MEIOB: variants seen among roughly 807,000 people sequenced by gnomAD.
The protein encoded by MEIOB is meiosis specific with OB-fold.
MEIOB carries 50 observed loss-of-function variants against 53.1 expected under a neutral mutation model. The ratio of observed to expected loss-of-function variants is 0.94; its 90% CI spans 0.75 to 1.19. The LOEUF (loss-of-function observed/expected upper bound fraction) is 1.19, where lower values mean the gene tolerates loss of function less well. MEIOB is among the 50% of genes most tolerant of loss of function. The pLI, the probability that MEIOB is intolerant of heterozygous loss-of-function variation, is 0.00. For synonymous variants in MEIOB, 192 were observed against 182.5 expected (o/e 1.05, Z -0.42); for missense variants, 551 against 550.8 (o/e 1.00, Z 0.00).
chr16:1,865,200 G>T (rs547679351), intron 3 of MEIOB, among the ~76,000 whole-genome samples: 38 of 152,114 alleles, frequency 2.5e-4, no homozygotes, highest in Non-Finnish European at 4.9e-4. Flanking sequence ...GGGAGGCCGA[G>T]GCAGGGAGAT....
intron 9 of MEIOB, among the ~76,000 whole-genome samples, chr16:1,847,065 G>A (rs1899044769): frequency 6.6e-6 from 1 of 152,048 alleles, no homozygotes; most frequent in Admixed American, 6.6e-5. Context: ...TCAGGCAGGG[G>A]AATAACTTGA....
intron 5 of MEIOB, among the ~76,000 whole-genome samples, chr16:1,859,363 A>G (rs451358): frequency 0.83 from 125,349 of 151,884 alleles, 51,859 homozygotes; most frequent in Middle Eastern, 0.9. Flanking sequence ...CCAACATAGC[A>G]AAACCCCGCC....
chr16:1,859,485 G>C (rs1596980586), intron 5 of MEIOB, among the ~76,000 whole-genome samples: 1 of 152,176 alleles, frequency 6.6e-6, no homozygotes, highest in Admixed American at 6.5e-5. Flanking sequence ...AGGTTACAGT[G>C]AGCCGAGATC....
rs1299459349 is a variant in MEIOB, at chr16:1,833,997, ATC to A, written c.*257_*258del. 9 of 329,478 alleles carry A rather than the reference ATC, an allele frequency of 2.7e-5. No individual in the cohort carries two copies. The highest frequency in any genetic ancestry group is 4.9e-5 in the Non-Finnish European group (9 of 182,248). 20.4% of individuals were successfully genotyped at this position (329,478 alleles called of 1,614,324 possible). On this transcript the variant is annotated 3_prime_UTR_variant, in exon 14 of 14. Coordinates refer to ENST00000325962, the MANE Select transcript of MEIOB (RefSeq NM_001163560.3). Reference sequence around the variant, plus strand: ...ATCATTCAAATCTGTAGAAGATTAAATCTGTTTATTAATTCATGTAAACATTT... The same window carrying A: ...ATCATTCAAATCTGTAGAAGATTAAATGTTTATTAATTCATGTAAACATTT...
intron 3 of MEIOB, among the ~76,000 whole-genome samples, chr16:1,864,331 T>C (rs1899529689): frequency 1.3e-5 from 2 of 152,122 alleles, no homozygotes; most frequent in Admixed American, 1.3e-4. Context: ...GATACAAATA[T>C]AATGTTATAT....
Position 1,853,373 on chromosome 16 carries a change from T to C in MEIOB, c.630-102A>G, listed in dbSNP as rs1596975613. On this transcript the variant is annotated intron_variant, in intron 7 of 13. Coordinates refer to ENST00000325962, the MANE Select transcript of MEIOB (RefSeq NM_001163560.3). The stretch of plus-strand genomic sequence containing the variant: ...TAAAAGAAAGCTTCAGTGGCTGGGG[T>C]CAGCCATCCCCAAGGTGGTCAAAGA... 6 of 945,390 alleles carry C rather than the reference T, an allele frequency of 6.3e-6. No individual in the cohort carries two copies. In the Admixed American group the frequency reaches 1.1e-4, roughly 17 times the overall value. The allele number at this position is 945,390 out of a possible 1,614,324, so 58.6% of individuals were successfully genotyped here. A position where few individuals can be genotyped will look rare whatever the true frequency, so the allele number is the denominator to read the frequency against.
chr16:1,856,556 T>C (rs1157077284), intron 6 of MEIOB, among the ~76,000 whole-genome samples: 2 of 152,124 alleles, frequency 1.3e-5, no homozygotes, highest in East Asian at 3.9e-4. Context: ...CCTGACCTCG[T>C]GATCCTCCCG....
In MEIOB at chr16:1,839,439, C is replaced by A; in HGVS notation, c.1035-1G>T. ...ATTTACAATATAACCACAGCTGGAA[C>A]TGAAAAGAAACAAAGACAATGATAA... On this transcript the variant is annotated splice_acceptor_variant, in intron 11 of 13. Coordinates refer to ENST00000325962, the MANE Select transcript of MEIOB (RefSeq NM_001163560.3). LOFTEE classifies it high-confidence loss of function. The A allele has an allele frequency of 6.2e-7, 1 of 1,603,652 alleles. No individual in the cohort carries two copies. The highest frequency in any genetic ancestry group is 1.3e-5 in the African/African-American group (1 of 74,454).
At position 1,841,859 on chromosome 16, in the gene MEIOB, T is replaced by G. The variant is rs757649499; in HGVS notation, c.995A>C (p.Asn332Thr). 2 of 1,602,376 alleles carry G rather than the reference T, an allele frequency of 1.2e-6. No individual in the cohort carries two copies. The highest frequency in any genetic ancestry group is 1.7e-6 in the Non-Finnish European group (2 of 1,175,274). ...GILYAYISTLNIDDETTKVVR... is the reference protein window; with the variant it reads ...GILYAYISTLTIDDETTKVVR... ...TACTTTTGTAGTTTCATCATCAATG[T>G]TGAGTGTGGAAATGTAGGCATAAAG... The change falls in exon 11 of 14, where the codon AAC (asparagine) becomes ACC (threonine). Residue 332 changes from asparagine (N) to threonine (T), a missense_variant. Physicochemically the swap from Asn to Thr is moderately conservative, Grantham distance 65. Transcript: ENST00000325962.
chr16:1,872,138 G>C lies in MEIOB; in HGVS notation c.-155C>G, dbSNP rs1454114327. ...GCCACAGCCTCGTGCAGGTGCGACG[G>C]CCGCGCGACCGTTAGCGCGAGGCCC... On this transcript the variant is annotated 5_prime_UTR_variant, in exon 1 of 14. Coordinates refer to ENST00000325962, the MANE Select transcript of MEIOB (RefSeq NM_001163560.3). 1.3e-5 allele frequency: 2 copies of C among 151,998 alleles called. No homozygotes were observed. Among genetic ancestry groups the C allele is most frequent in the Non-Finnish European group, 2.9e-5 (2 of 68,056 alleles). The allele number at this position is 151,998 out of a possible 1,614,324, so 9.4% of individuals were successfully genotyped here.
chr16:1,856,510 G>A (rs1310457532), intron 6 of MEIOB, among the ~76,000 whole-genome samples: 6 of 152,042 alleles, frequency 3.9e-5, no homozygotes, highest in East Asian at 3.9e-4. Context: ...TAGTAGAGAC[G>A]GGGTTTCACC....
At chr16:1,839,608 TTCTACGCAGC>T (rs1462080592) in intron 11 of MEIOB, 170 bp from the exon 12 acceptor site, 1 of 582,616 alleles carries the variant, frequency 1.7e-6, no homozygotes, top group African/African-American at 1.9e-5. Flanking sequence ...AAAACACACT[TTCTACGCAGC>T]CATTCTCAGG....
At chr16:1,871,519 CTTTTT>C (rs71148106) in intron 1 of MEIOB, among the ~76,000 whole-genome samples, 2 of 39,814 alleles carry the variant, frequency 5.0e-5, no homozygotes, top group East Asian at 6.6e-4. Context: ...GCGCCCGGCC[CTTTTT>C]TTTTTTTTTT....
intron 9 of MEIOB, among the ~76,000 whole-genome samples, chr16:1,847,109 C>A (rs1899046324): frequency 6.6e-6 from 1 of 152,022 alleles, no homozygotes; most frequent in Non-Finnish European, 1.5e-5. Context: ...AAGCCGAGAT[C>A]ACGCCACTGC....
intron 5 of MEIOB, among the ~76,000 whole-genome samples, 154 bp from the exon 6 acceptor site, chr16:1,858,084 A>T (rs987054963): frequency 6.6e-6 from 1 of 152,186 alleles, no homozygotes; most frequent in East Asian, 1.9e-4. Flanking sequence ...ACAGCAAAAC[A>T]TTTTTTGTTT....
intron 9 of MEIOB, among the ~76,000 whole-genome samples, chr16:1,845,452 G>C (rs200464541): frequency 6.6e-6 from 1 of 152,046 alleles, no homozygotes; most frequent in African/African-American, 2.4e-5. Flanking sequence ...CCTGGGAGGT[G>C]GAGCTTGCAG....
intron 11 of MEIOB, among the ~76,000 whole-genome samples, chr16:1,840,544 A>T (rs1429429487): frequency 8.1e-5 from 2 of 24,772 alleles, no homozygotes; most frequent in African/African-American, 2.7e-4. Context: ...CTCTCTTATT[A>T]TTATTTTTTT....
intron 3 of MEIOB, among the ~76,000 whole-genome samples, chr16:1,864,661 T>C (rs1041099599): frequency 4.0e-5 from 6 of 151,810 alleles, no homozygotes; most frequent in African/African-American, 1.5e-4. Flanking sequence ...ACTAATTTTG[T>C]ATTTTTAGTA....
At chr16:1,861,015 T>C (rs887554512) in intron 4 of MEIOB, among the ~76,000 whole-genome samples, 1 of 152,186 alleles carries the variant, frequency 6.6e-6, no homozygotes, top group Admixed American at 6.5e-5. Context: ...ATCTGTTGAG[T>C]GACTAAGTTC....
Sources: gnomAD v4.1 joint callset for allele counts (sites outside exome capture counted in the v4.1 genomes callset) on GRCh38, gnomAD v4.1.1 for gene constraint, MANE v1.5 for transcripts, NCBI Gene and HGNC (gene_info 2026-07-23, HGNC 2026-07-21) for gene names.